PCDH15: variants seen among roughly 807,000 people sequenced by gnomAD.
PCDH15 encodes the protein protocadherin related 15.
Under a neutral mutation model 178.5 loss-of-function variants are expected in PCDH15, and 129 were observed. The ratio of observed to expected loss-of-function variants is 0.72; its 90% CI spans 0.63 to 0.84. The LOEUF (loss-of-function observed/expected upper bound fraction) is 0.84. PCDH15 is among the 40% of genes least tolerant of loss of function. The pLI is 0.00. For synonymous variants in PCDH15, 800 were observed against 732.0 expected, an observed-to-expected ratio of 1.09 and a Z score of -1.50; for missense variants, 2,230 against 2,099.9, an observed-to-expected ratio of 1.06 and a Z score of -1.21.
chr10:55,590,814 A>G (rs181207820), intron 2 of PCDH15, among the ~76,000 whole-genome samples: 11 of 152,262 alleles, frequency 7.2e-5, no homozygotes, highest in African/African-American at 2.4e-4. Flanking sequence ...TAAAAACTAC[A>G]ATCACTACAT....
chr10:53,968,220 A>G (rs7896419), intron 21 of PCDH15, among the ~76,000 whole-genome samples: 107,146 of 151,934 alleles, frequency 0.71, 38,166 homozygotes, highest in East Asian at 0.87. Flanking sequence ...CGCCTGGCTC[A>G]GAGGGTCCCA....
At chr10:55,000,433 G>C (rs1839771758) in intron 2 of PCDH15, among the ~76,000 whole-genome samples, 2 of 152,166 alleles carry the variant, frequency 1.3e-5, no homozygotes, top group African/African-American at 2.4e-5. Flanking sequence ...GAACATTGCT[G>C]TTATCTTGTT....
chr10:53,863,200 A>C (rs1199579968), intron 27 of PCDH15, among the ~76,000 whole-genome samples: 1 of 152,226 alleles, frequency 6.6e-6, no homozygotes, highest in Non-Finnish European at 1.5e-5. Context: ...GATATTTTAA[A>C]GTTATGGGAC....
rs1402898910 is a variant in PCDH15 at position 54,721,473 on chromosome 10, T to A, written c.-28-57183A>T. On this transcript the variant is annotated intron_variant, in intron 1 of 37. Transcript: ENST00000644397. ...GAAAGGATAAACAAAATTGACAGAC[T>A]GCTAGTTAAATTAACCAAGGAAAGA... Among the ~76,000 whole-genome samples the A allele has an allele frequency of 1.3e-5, 2 of 151,860 alleles. 1 individual carries two copies. The highest frequency in any genetic ancestry group is 2.9e-5 in the Non-Finnish European group (2 of 67,872).
At chr10:54,725,416 C>A (rs141194716) in intron 1 of PCDH15, among the ~76,000 whole-genome samples, 19 of 146,156 alleles carry the variant, frequency 1.3e-4, no homozygotes, top group African/African-American at 4.5e-4. Flanking sequence ...ATTCCTCATG[C>A]CAGTAATCCC....
chr10:54,172,562 A>T (rs947474267), intron 13 of PCDH15, among the ~76,000 whole-genome samples: 1 of 152,306 alleles, frequency 6.6e-6, no homozygotes, highest in East Asian at 1.9e-4. Flanking sequence ...TTTGGAAACA[A>T]TAGGTGAATA....
At chr10:54,435,010 A>G (rs1209816793) in intron 3 of PCDH15, among the ~76,000 whole-genome samples, 3 of 151,818 alleles carry the variant, frequency 2.0e-5, no homozygotes, top group Non-Finnish European at 4.4e-5. Context: ...GTTTAGTGAG[A>G]TTTAGTATAT....
At chr10:54,424,715 T>G (rs1055873478) in intron 3 of PCDH15, among the ~76,000 whole-genome samples, 7 of 151,890 alleles carry the variant, frequency 4.6e-5, no homozygotes, top group Non-Finnish European at 1.0e-4. Flanking sequence ...TGTAGGGACA[T>G]GGATGAAGCT....
At chr10:55,210,217 G>T (rs549141300) in intron 1 of PCDH15, among the ~76,000 whole-genome samples, 21 of 152,094 alleles carry the variant, frequency 1.4e-4, no homozygotes, top group Middle Eastern at 6.8e-3. Flanking sequence ...AGCAGATGAT[G>T]CCACATTATA....
intron 2 of PCDH15, among the ~76,000 whole-genome samples, chr10:55,102,621 G>T (rs557121403): frequency 1.3e-5 from 2 of 152,136 alleles, no homozygotes; most frequent in African/African-American, 4.8e-5. Flanking sequence ...GTAATTGACT[G>T]CAGATAAGTG....
At chr10:55,497,171 C>T (rs1213366607) in intron 2 of PCDH15, among the ~76,000 whole-genome samples, 1 of 151,688 alleles carries the variant, frequency 6.6e-6, no homozygotes, top group Non-Finnish European at 1.5e-5. Flanking sequence ...GCTTTGTCAC[C>T]CAGGCTGAAG....
chr10:53,820,546 T>G (rs2076222848), intron 32 of PCDH15, among the ~76,000 whole-genome samples: 1 of 152,066 alleles, frequency 6.6e-6, no homozygotes, highest in Non-Finnish European at 1.5e-5. Context: ...TGCAAACTTA[T>G]ATCTTCTAAA....
In PCDH15 at chr10:54,020,320, A is replaced by G; in HGVS notation, c.2623T>C (p.Ser875Pro). ...FALHPFTGEL[S>P]LLRSLDYEAF... ...TCATAATCTAAACTCCTTAAAAGCG[A>G]TAGTTCTCCTGTAAATGGATGTAGT... The change falls in exon 20 of 38, where the codon TCG becomes CCG. Residue 875 changes from serine (S) to proline (P), a missense_variant. Ser to Pro is a moderately conservative substitution (Grantham distance 74). Coordinates refer to ENST00000644397, the MANE Select transcript of PCDH15 (RefSeq NM_001384140.1). The G allele has an allele frequency of 6.2e-7, 1 of 1,613,828 alleles. No individual in the cohort carries two copies. Among genetic ancestry groups the G allele is most frequent in the Non-Finnish European group, 8.5e-7 (1 of 1,179,800 alleles).
intron 1 of PCDH15, among the ~76,000 whole-genome samples, chr10:55,185,521 G>T (rs1029013743): frequency 5.3e-5 from 8 of 151,672 alleles, no homozygotes; most frequent in African/African-American, 1.9e-4. Context: ...TTGCTAGGAG[G>T]AAGAGAAATA....
chr10:55,165,966 TCTC>T (rs981506056), intron 2 of PCDH15, among the ~76,000 whole-genome samples: 17 of 152,232 alleles, frequency 1.1e-4, no homozygotes, highest in African/African-American at 3.8e-4. Flanking sequence ...AAAATACAAT[TCTC>T]CTAACTTTCA....
chr10:54,080,811 TAA>T (rs2094426691), intron 16 of PCDH15, among the ~76,000 whole-genome samples: 1 of 152,182 alleles, frequency 6.6e-6, no homozygotes, highest in Non-Finnish European at 1.5e-5. Context: ...TCACAACAAT[TAA>T]GTTTGGACCA....
At chr10:53,808,367 A>G (rs2075736287) in intron 37 of PCDH15, 4 of 935,394 alleles carry the variant, frequency 4.3e-6, no homozygotes, top group Non-Finnish European at 5.2e-6. Context: ...ATCCATTCCA[A>G]TAGACAGAGT....
At chr10:55,395,969 T>C (rs1837918624) in intron 2 of PCDH15, among the ~76,000 whole-genome samples, 1 of 152,178 alleles carries the variant, frequency 6.6e-6, no homozygotes, top group African/African-American at 2.4e-5. Context: ...AAATGTCATA[T>C]GCTTTCCACA....
chr10:54,576,409 T>C (rs1485888940), intron 2 of PCDH15, among the ~76,000 whole-genome samples: 1 of 152,200 alleles, frequency 6.6e-6, no homozygotes, highest in Non-Finnish European at 1.5e-5. Flanking sequence ...GTGAGAATAT[T>C]TCCCACAGAA....
Sources: gnomAD v4.1 joint callset for allele counts (sites outside exome capture counted in the v4.1 genomes callset) on GRCh38, gnomAD v4.1.1 for gene constraint, MANE v1.5 for transcripts, NCBI Gene and HGNC (gene_info 2026-07-23, HGNC 2026-07-21) for gene names.